The following SGCD variants were observed in gnomAD, a reference collection of about 807,000 sequenced individuals.
The protein encoded by SGCD is delta-sarcoglycan.
Under a neutral mutation model 36.6 loss-of-function variants are expected in SGCD, and 18 were observed. The ratio of observed to expected loss-of-function variants is 0.49; its 90% CI spans 0.34 to 0.73. The LOEUF is 0.73. Ranked by LOEUF, SGCD falls within the 30% of genes least tolerant of loss-of-function variation. SGCD has a pLI of 0.01. For synonymous variants in SGCD, 133 were observed against 130.6 expected (o/e 1.02, Z -0.12); for missense variants, 387 against 346.7 (o/e 1.12, Z -0.92).
the SGCD span, among the ~76,000 whole-genome samples, chr5:155,767,553 G>A: frequency 6.6e-6 from 1 of 151,128 alleles, no homozygotes; most frequent in African/African-American, 2.4e-5. Context: ...CAGCAGTTTT[G>A]AAGATTGTTT....
chr5:155,807,280 T>C, the SGCD span, among the ~76,000 whole-genome samples: 1 of 152,248 alleles, frequency 6.6e-6, no homozygotes, highest in African/African-American at 2.4e-5. Context: ...CTGTCTGTAA[T>C]AGCACACCAT....
At chr5:156,655,506 T>C (rs993117755) in intron 7 of SGCD, among the ~76,000 whole-genome samples, 1 of 152,176 alleles carries the variant, frequency 6.6e-6, no homozygotes, top group Non-Finnish European at 1.5e-5. Flanking sequence ...TTGGTTAAGA[T>C]GCTTGTAAAT....
chr5:156,409,909 A>G lies in SGCD; in HGVS notation c.192+65232A>G, dbSNP rs62380759. Among the ~76,000 whole-genome samples the G allele has an allele frequency of 7.1e-3, 1,081 of 152,178 alleles. 6 individuals carry two copies. The highest frequency in any genetic ancestry group is 7.9e-3 in the Non-Finnish European group (535 of 68,018). On this transcript the variant is annotated intron_variant, in intron 3 of 8. Transcript: ENST00000337851. The stretch of plus-strand genomic sequence containing the variant: ...ATTTTTCTTTCCTCCAGTCTTCTCC[A>G]TCCAATACCACAGAAACCCTGTACA...
At chr5:156,689,822 C>A (rs955548989) in intron 7 of SGCD, among the ~76,000 whole-genome samples, 1 of 152,066 alleles carries the variant, frequency 6.6e-6, no homozygotes, top group African/African-American at 2.4e-5. Context: ...GTGTCTTAAG[C>A]CCTGGAAATA....
chr5:156,456,063 T>C (rs1225248142), intron 3 of SGCD, among the ~76,000 whole-genome samples: 1 of 152,206 alleles, frequency 6.6e-6, no homozygotes, highest in Non-Finnish European at 1.5e-5. Flanking sequence ...TTCTGTTGTT[T>C]CGAGCTACCC....
chr5:155,966,935 A>ATGTGTGTGTGTGTG (rs145801010), intron 1 of SGCD, among the ~76,000 whole-genome samples: 1 of 148,290 alleles, frequency 6.7e-6, no homozygotes, highest in Non-Finnish European at 1.5e-5. Flanking sequence ...ATAGGTTTTC[A>ATGTGTGTGTGTGTG]TGTGTGTGTG....
intron 3 of SGCD, among the ~76,000 whole-genome samples, chr5:156,369,000 C>T (rs919324540): frequency 2.0e-5 from 3 of 152,150 alleles, no homozygotes; most frequent in African/African-American, 4.8e-5. Flanking sequence ...GGTTGGGGAC[C>T]GCTGCTCTAT....
chr5:156,579,245 G>A (rs937244657), intron 4 of SGCD, among the ~76,000 whole-genome samples: 3 of 152,180 alleles, frequency 2.0e-5, no homozygotes, highest in Non-Finnish European at 2.9e-5. Context: ...TTAATCCTGA[G>A]TTCTAATTTG....
the SGCD span, among the ~76,000 whole-genome samples, chr5:155,816,677 G>A: frequency 6.6e-6 from 1 of 152,100 alleles, no homozygotes; most frequent in Non-Finnish European, 1.5e-5. Context: ...TCCTAGAGGG[G>A]GTGAGTTTTG....
At chr5:156,274,549 G>A (rs1766267819) in intron 3 of SGCD, among the ~76,000 whole-genome samples, 3 of 152,100 alleles carry the variant, frequency 2.0e-5, no homozygotes, top group African/African-American at 7.2e-5. Context: ...GCATATAGGA[G>A]CACATAAATT....
chr5:156,176,939 T>C (rs1369306021), intron 3 of SGCD, among the ~76,000 whole-genome samples: 1 of 152,180 alleles, frequency 6.6e-6, no homozygotes, highest in Non-Finnish European at 1.5e-5. Flanking sequence ...GAATACATAC[T>C]TCAAACAGAT....
At chr5:156,598,182 G>T (rs1260425967) in intron 6 of SGCD, among the ~76,000 whole-genome samples, 1 of 152,080 alleles carries the variant, frequency 6.6e-6, no homozygotes, top group African/African-American at 2.4e-5. Context: ...TGTAGAAATG[G>T]CATTTTCTAT....
intron 4 of SGCD, among the ~76,000 whole-genome samples, chr5:156,579,602 T>C (rs543449930): frequency 3.9e-5 from 6 of 152,380 alleles, no homozygotes; most frequent in Admixed American, 2.0e-4. Flanking sequence ...GCTCCTGTAT[T>C]GGGTGCATAT....
chr5:156,144,989 A>G lies in SGCD; in HGVS notation c.-44+20970A>G, dbSNP rs143530574. Among the ~76,000 whole-genome samples the G allele has an allele frequency of 1.2e-3, 189 of 152,278 alleles. 1 individual carries two copies. The highest frequency in any genetic ancestry group is 2.4e-3 in the Non-Finnish European group (162 of 68,024). ...GTTGGGAGGGCATGATTGTATTTTG[A>G]TATGTCAGAATGATATAAGATTTTG... On this transcript the variant is annotated intron_variant, in intron 3 of 9. Transcript: ENST00000517913.
intron 3 of SGCD, among the ~76,000 whole-genome samples, chr5:156,489,965 A>C (rs566526548): frequency 3.3e-5 from 5 of 151,972 alleles, no homozygotes; most frequent in African/African-American, 7.2e-5. Flanking sequence ...TGGATAAAGC[A>C]CTACCTAGAC....
chr5:156,753,083 T>A (rs1331176499), intron 7 of SGCD, among the ~76,000 whole-genome samples: 1 of 152,196 alleles, frequency 6.6e-6, no homozygotes, highest in Non-Finnish European at 1.5e-5. Context: ...GGGAACTTGT[T>A]ACAAATGTGG....
chr5:156,360,058 T>A (rs180684672), intron 3 of SGCD, among the ~76,000 whole-genome samples: 77 of 152,248 alleles, frequency 5.1e-4, no homozygotes, highest in African/African-American at 1.7e-3. Context: ...AGCAGCCAAA[T>A]GTCCAGGCAG....
chr5:156,030,411 C>T, intron 1 of SGCD, among the ~76,000 whole-genome samples: 1 of 152,160 alleles, frequency 6.6e-6, no homozygotes, highest in East Asian at 1.9e-4. Flanking sequence ...ACGGCAGAGG[C>T]AGAGATGAGA....
At chr5:156,555,448 T>C (rs1206510368) in intron 4 of SGCD, among the ~76,000 whole-genome samples, 1 of 152,194 alleles carries the variant, frequency 6.6e-6, no homozygotes, top group African/African-American at 2.4e-5. Context: ...AGCTATTCTG[T>C]CGTCCCAGCA....
Sources: gnomAD v4.1 joint callset for allele counts (sites outside exome capture counted in the v4.1 genomes callset) on GRCh38, gnomAD v4.1.1 for gene constraint, MANE v1.5 for transcripts, NCBI Gene and HGNC (gene_info 2026-07-23, HGNC 2026-07-21) for gene names.